Variants in IGSF3 observed in about 807,000 individuals in gnomAD.
IGSF3 encodes glu-Trp-Ile EWI motif-containing protein 3.
A neutral mutation model predicts 114.4 loss-of-function variants in IGSF3; 23 were observed. The ratio of observed to expected loss-of-function variants is 0.20; its 90% CI spans 0.14 to 0.28. The LOEUF is 0.28. Among genes scored for constraint, IGSF3 ranks in the 10% least tolerant of loss-of-function variants. The pLI is 1.00. For synonymous variants in IGSF3, 571 were observed against 645.2 expected (o/e 0.88, Z 1.74); for missense variants, 1,172 against 1,591.5 (o/e 0.74, Z 4.48).
At position 116,600,112 on chromosome 1, in the gene IGSF3, C is replaced by T. The variant is rs780469725; in HGVS notation, c.1858G>A (p.Glu620Lys). The change falls in exon 7 of 11, where the codon GAG becomes AAG. Residue 620 changes from glutamate (E) to lysine (K), a missense_variant. By Grantham distance (56) the Glu-to-Lys change is moderately conservative. Around this residue, in one of 3 missense-constraint regions of IGSF3, gnomAD observed 736 missense variants for 1,042.0 expected, o/e 0.71. Coordinates refer to ENST00000369486, the MANE Select transcript of IGSF3 (RefSeq NM_001007237.3). This position sits in a 1 kb window ranked among gnomAD's most constrained non-coding sequence, Gnocchi z 5.5. ...ACGTTGTTGCTGGACTCAGCCTTCTCGATGGCAGTTCGGGTTCGGAAGCTG... is the reference window on the plus strand; with the variant it reads ...ACGTTGTTGCTGGACTCAGCCTTCTTGATGGCAGTTCGGGTTCGGAAGCTG... ...SSSFRTRTAIEKAESSNNVRL... is the reference protein window; with the variant it reads ...SSSFRTRTAIKKAESSNNVRL... The T allele has an allele frequency of 8.7e-6, 14 of 1,614,078 alleles. No homozygotes were observed. The highest frequency in any genetic ancestry group is 4.5e-5 in the East Asian group (2 of 44,896).
rs1017453296 is a variant in IGSF3 at position 116,647,114 on chromosome 1, A to G, written c.43+19170T>C. On this transcript the variant is annotated intron_variant, in intron 2 of 10. Transcript: ENST00000369486. The surrounding 1 kb of genome is among the most constrained non-coding windows in gnomAD (Gnocchi z 4.6). ...GCAATAAAAACTGGGGGACACTTAG[A>G]GGCAAAGGTATGGCAGGTGACAAAA... Among the ~76,000 whole-genome samples, 38 of 152,342 alleles carry G rather than the reference A, an allele frequency of 2.5e-4. No homozygotes were observed. The highest frequency in any genetic ancestry group is 8.7e-4 in the African/African-American group (36 of 41,576).
At chr1:116,630,993 A>G (rs1193657686) in intron 2 of IGSF3, among the ~76,000 whole-genome samples, 1 of 152,266 alleles carries the variant, frequency 6.6e-6, no homozygotes, top group East Asian at 1.9e-4. Flanking sequence ...GACAGGGGCC[A>G]GGCCAGGGCA....
intron 2 of IGSF3, among the ~76,000 whole-genome samples, chr1:116,652,879 G>A (rs1477210573): frequency 2.6e-5 from 4 of 152,186 alleles, no homozygotes; most frequent in Non-Finnish European, 5.9e-5. Flanking sequence ...CTTCATGTGT[G>A]TTTGGCCTGC....
At position 116,657,652 on chromosome 1, in the gene IGSF3, TC is replaced by T. The variant is rs1041071435; in HGVS notation, c.43+8631del. Among the ~76,000 whole-genome samples the T allele has an allele frequency of 6.6e-6, 1 of 152,058 alleles. No homozygotes were observed. The highest frequency in any genetic ancestry group is 1.5e-5 in the Non-Finnish European group (1 of 68,022). Reference sequence around the variant, plus strand: ...GGGGAAGGAGAGTTAATAAAATGGGTCCTTGAGAAGTGAAGTGGGAAGCCTG... The same window carrying T: ...GGGGAAGGAGAGTTAATAAAATGGGTCTTGAGAAGTGAAGTGGGAAGCCTG... On this transcript the variant is annotated intron_variant, in intron 2 of 10. Coordinates refer to ENST00000369486, the MANE Select transcript of IGSF3 (RefSeq NM_001007237.3). This position sits in a 1 kb window ranked among gnomAD's most constrained non-coding sequence, Gnocchi z 4.2.
intron 2 of IGSF3, among the ~76,000 whole-genome samples, chr1:116,659,636 G>A (rs572280950): frequency 6.6e-6 from 1 of 151,966 alleles, no homozygotes; most frequent in African/African-American, 2.4e-5. Flanking sequence ...CTTTTTGTGT[G>A]TGTGTGAGAT....
rs534761348 is a variant in IGSF3 at position 116,647,232 on chromosome 1, G to A, written c.43+19052C>T. Among the ~76,000 whole-genome samples the A allele has an allele frequency of 1.4e-4, 22 of 152,360 alleles. No homozygotes were observed. The highest frequency in any genetic ancestry group is 1.1e-3 in the Admixed American group (17 of 15,304). On this transcript the variant is annotated intron_variant, in intron 2 of 10. Coordinates refer to ENST00000369486, the MANE Select transcript of IGSF3 (RefSeq NM_001007237.3). This position sits in a 1 kb window ranked among gnomAD's most constrained non-coding sequence, Gnocchi z 4.6. ...CACTGCTGCCGATGCCCTTGACAGC[G>A]ATGTCTGAGGCTGGCGTGAGTGCTC...
In IGSF3 at chr1:116,638,572, T is replaced by TA. The variant is rs1647937019; in HGVS notation, c.44-22116dup. On this transcript the variant is annotated intron_variant, in intron 2 of 10. Coordinates refer to ENST00000369486, the MANE Select transcript of IGSF3 (RefSeq NM_001007237.3). This position sits in a 1 kb window ranked among gnomAD's most constrained non-coding sequence, Gnocchi z 4.1. ...CCCTCCAAACATCCCCGGTACGTCT[T>TA]ACTGGATTTTGCCATTTCCCCCAAG... Among the ~76,000 whole-genome samples the TA allele has an allele frequency of 6.6e-6, 1 of 152,208 alleles. No individual in the cohort carries two copies. The highest frequency in any genetic ancestry group is 1.5e-5 in the Non-Finnish European group (1 of 68,034).
rs938633722 is a variant in IGSF3, at chr1:116,628,611, TAG to T, written c.44-12156_44-12155del. ...GGTGGCAGGCACCCTGAAATATGTC[TAG>T]CATACTCATAAAGCATGAACATCTA... On this transcript the variant is annotated intron_variant, in intron 2 of 10. Coordinates refer to ENST00000369486, the MANE Select transcript of IGSF3 (RefSeq NM_001007237.3). This position sits in a 1 kb window ranked among gnomAD's most constrained non-coding sequence, Gnocchi z 4.2. Among the ~76,000 whole-genome samples, 12 of 152,138 alleles carry T rather than the reference TAG, an allele frequency of 7.9e-5. No individual in the cohort carries two copies. The highest frequency in any genetic ancestry group is 2.4e-4 in the African/African-American group (10 of 41,426).
chr1:116,653,388 T>C (rs570613171), intron 2 of IGSF3, among the ~76,000 whole-genome samples: 3 of 152,176 alleles, frequency 2.0e-5, no homozygotes, highest in Non-Finnish European at 2.9e-5. Context: ...TCACCATAAA[T>C]ACCACAGTCC....
chr1:116,599,075 C>G (rs960058675), intron 7 of IGSF3, among the ~76,000 whole-genome samples: 2 of 152,112 alleles, frequency 1.3e-5, no homozygotes, highest in African/African-American at 4.8e-5. Flanking sequence ...AACCGGGGTT[C>G]AAATCCTGGC....
intron 2 of IGSF3, among the ~76,000 whole-genome samples, chr1:116,658,911 T>C (rs1648994637): frequency 1.3e-5 from 2 of 152,186 alleles, no homozygotes; most frequent in Admixed American, 1.3e-4. Context: ...TGACCTCTCC[T>C]AGAGGGCAGG....
rs971605832 is a variant in IGSF3, at chr1:116,594,425, G to C, written c.2030-5321C>G. On this transcript the variant is annotated intron_variant, in intron 7 of 10. Transcript: ENST00000369486. This position sits in a 1 kb window ranked among gnomAD's most constrained non-coding sequence, Gnocchi z 5.2. ...TTACAAAAATGGAGTATATGATCTG[G>C]GTATGAGCTAAAGTCCTAATTTCTG... Among the ~76,000 whole-genome samples, 2 of 152,118 alleles carry C rather than the reference G, an allele frequency of 1.3e-5. No individual in the cohort carries two copies. The highest frequency in any genetic ancestry group is 4.8e-5 in the African/African-American group (2 of 41,410).
chr1:116,574,969 T>C lies in IGSF3; in HGVS notation c.*2343A>G, dbSNP rs189943280. 6.5e-6 allele frequency: 1 copy of C among 152,768 alleles called. No homozygotes were observed. The highest frequency in any genetic ancestry group is 1.9e-4 in the East Asian group (1 of 5,190). The allele number at this position is 152,768 out of a possible 1,614,324, so 9.5% of individuals were successfully genotyped here. A position where few individuals can be genotyped will look rare whatever the true frequency, so the allele number is the denominator to read the frequency against. On this transcript the variant is annotated 3_prime_UTR_variant, in exon 11 of 11. Coordinates refer to ENST00000369486, the MANE Select transcript of IGSF3 (RefSeq NM_001007237.3). The surrounding 1 kb of genome is among the most constrained non-coding windows in gnomAD (Gnocchi z 5.2). The stretch of plus-strand genomic sequence containing the variant: ...TATTAAAATACTGGCTTCGGTTTCT[T>C]TTTTTCCTTTCAAATTTCCTACAAT...
chr1:116,608,778 G>A (rs1660900696), intron 4 of IGSF3, among the ~76,000 whole-genome samples: 1 of 152,116 alleles, frequency 6.6e-6, no homozygotes, highest in African/African-American at 2.4e-5. Flanking sequence ...ACTGAGGTCT[G>A]TGGGAAAAAA....
At chr1:116,617,275 T>C in intron 2 of IGSF3, 6 of 974,682 alleles carry the variant, frequency 6.2e-6, no homozygotes, top group Non-Finnish European at 7.3e-6. Context: ...CACTTCTGCC[T>C]GCCTTCTCCA....
Position 116,588,348 on chromosome 1 carries a change from G to A in IGSF3, c.2440+346C>T, listed in dbSNP as rs931220886. Among the ~76,000 whole-genome samples the A allele has an allele frequency of 1.3e-5, 2 of 152,082 alleles. No individual in the cohort carries two copies. Among genetic ancestry groups the A allele is most frequent in the African/African-American group, 4.8e-5 (2 of 41,392 alleles). On this transcript the variant is annotated intron_variant, in intron 8 of 10. Coordinates refer to ENST00000369486, the MANE Select transcript of IGSF3 (RefSeq NM_001007237.3). The surrounding 1 kb of genome is among the most constrained non-coding windows in gnomAD (Gnocchi z 4.9). ...GGGTGTGGAGCTGGTGTCAGCCCAA[G>A]ATTCAGGGTGCAAACTGCAAACCCA...
rs1480687668 is a variant in IGSF3 at position 116,638,159 on chromosome 1, TCTAA to T, written c.44-21706_44-21703del. On this transcript the variant is annotated intron_variant, in intron 2 of 10. Coordinates refer to ENST00000369486, the MANE Select transcript of IGSF3 (RefSeq NM_001007237.3). This position sits in a 1 kb window ranked among gnomAD's most constrained non-coding sequence, Gnocchi z 4.1. ...TCACTCTTTTTGTGGTTTCCTGCAG[TCTAA>T]CTAGCTACAAATCTCAAAGCCAAAG... Among the ~76,000 whole-genome samples the T allele has an allele frequency of 2.6e-5, 4 of 152,090 alleles. No individual in the cohort carries two copies. Among genetic ancestry groups the T allele is most frequent in the Admixed American group, 2.0e-4 (3 of 15,264 alleles).
Position 116,648,291 on chromosome 1 carries a change from T to C in IGSF3, c.43+17993A>G, listed in dbSNP as rs1286719746. ...TCAAGAAAAGCTCCAGAGAGGACAA[T>C]GCCAGCAATGCCGGCTGTCTCCCAA... On this transcript the variant is annotated intron_variant, in intron 2 of 10. Coordinates refer to ENST00000369486, the MANE Select transcript of IGSF3 (RefSeq NM_001007237.3). This position sits in a 1 kb window ranked among gnomAD's most constrained non-coding sequence, Gnocchi z 4.7. Among the ~76,000 whole-genome samples the C allele has an allele frequency of 6.6e-6, 1 of 152,202 alleles. No homozygotes were observed. The highest frequency in any genetic ancestry group is 1.5e-5 in the Non-Finnish European group (1 of 68,030).
rs577916763 is a variant in IGSF3 at position 116,605,442 on chromosome 1, C to T, written c.1223-1417G>A. On this transcript the variant is annotated intron_variant, in intron 5 of 10. Transcript: ENST00000369486. This position sits in a 1 kb window ranked among gnomAD's most constrained non-coding sequence, Gnocchi z 5.1. ...AAGGTCTGGATGGGGCAGGGAATAG[C>T]AATTTTCCTAGGAGGGCAACCTCCC... Among the ~76,000 whole-genome samples, 2 of 152,136 alleles carry T rather than the reference C, an allele frequency of 1.3e-5. No homozygotes were observed. Among genetic ancestry groups the T allele is most frequent in the Non-Finnish European group, 2.9e-5 (2 of 68,018 alleles).
Sources: allele counts gnomAD v4.1 joint callset (sites outside exome capture counted in the v4.1 genomes callset), GRCh38; gene constraint gnomAD v4.1.1; regional missense constraint gnomAD v4.1.1; non-coding constraint Gnocchi (gnomAD v3.1); transcripts MANE v1.5; gene names NCBI Gene and HGNC (gene_info 2026-07-23, HGNC 2026-07-21).